Variants in MTO1 observed in about 807,000 individuals in gnomAD.
MTO1 encodes mitochondrial tRNA translation optimization 1.
MTO1 carries 46 observed loss-of-function variants against 71.6 expected under a neutral mutation model. The observed-to-expected ratio is 0.64, with a 90% confidence interval of 0.51 to 0.82. The LOEUF is 0.82. MTO1 is among the 40% of genes least tolerant of loss of function. The pLI, the probability that MTO1 is intolerant of heterozygous loss-of-function variation, is 0.00. For missense variants in MTO1, 773 were observed against 867.5 expected (o/e 0.89, Z 1.37); for synonymous variants, 297 against 312.1 (o/e 0.95, Z 0.51).
chr6:73,497,011 G>A (rs1490614327), intron 10 of MTO1, among the ~76,000 whole-genome samples: 6 of 151,294 alleles, frequency 4.0e-5, no homozygotes, highest in African/African-American at 7.3e-5. Context: ...CCGAGATCGC[G>A]CCACTGCATT....
chr6:73,474,803 T>G (rs910293259), intron 4 of MTO1, among the ~76,000 whole-genome samples: 3 of 151,902 alleles, frequency 2.0e-5, no homozygotes, highest in African/African-American at 7.3e-5. Context: ...TTGCCCAGGC[T>G]GGAGTGCAAT....
At chr6:73,492,734 G>C (rs1771847251) in intron 10 of MTO1, 1 of 156,824 alleles carries the variant, frequency 6.4e-6, no homozygotes. Context: ...GATTGCTTGA[G>C]GCTGGGAGGT....
At chr6:73,476,674 G>C (rs1771332365) in intron 4 of MTO1, among the ~76,000 whole-genome samples, 1 of 151,956 alleles carries the variant, frequency 6.6e-6, no homozygotes, top group African/African-American at 2.4e-5. Flanking sequence ...GTAAATTGCA[G>C]AGATGATGAG....
rs1274632222 is a variant in MTO1, at chr6:73,501,707, G to A, written c.*972G>A. ...CTAAGGGATGAATACAGCCAAATGGGCCAGACAGCCCTGCTTGTCTCTGGA... is the reference window on the plus strand; with the variant it reads ...CTAAGGGATGAATACAGCCAAATGGACCAGACAGCCCTGCTTGTCTCTGGA... On this transcript the variant is annotated 3_prime_UTR_variant, in exon 12 of 12. Coordinates refer to ENST00000498286, the MANE Select transcript of MTO1 (RefSeq NM_012123.4). 6.6e-6 allele frequency: 1 copy of A among 152,158 alleles called. No homozygotes were observed. Among genetic ancestry groups the A allele is most frequent in the African/African-American group, 2.4e-5 (1 of 41,414 alleles). 9.4% of individuals were successfully genotyped at this position (152,158 alleles called of 1,614,324 possible). A position where few individuals can be genotyped will look rare whatever the true frequency, so the allele number is the denominator to read the frequency against.
chr6:73,491,016 T>C (rs1455779237), intron 9 of MTO1, among the ~76,000 whole-genome samples: 1 of 152,190 alleles, frequency 6.6e-6, no homozygotes, highest in Non-Finnish European at 1.5e-5. Context: ...AATTAAGTTA[T>C]TGGAAATCTC....
chr6:73,463,191 T>A lies in MTO1; in HGVS notation c.217+1120T>A, dbSNP rs995077317. Among the ~76,000 whole-genome samples, 10 of 149,874 alleles carry A rather than the reference T, an allele frequency of 6.7e-5. 1 individual carries two copies. The highest frequency in any genetic ancestry group is 5.4e-4 in the Admixed American group (8 of 14,946). ...GGCACCCACCACCACGCCCGGCTAA[T>A]TTTTTTTTTCTTTGTATTTTTAGTA... On this transcript the variant is annotated intron_variant, in intron 1 of 11. Transcript: ENST00000498286.
At chr6:73,492,966 A>ATGTGTGTGTGTGTGTG (rs1161293835) in intron 10 of MTO1, among the ~76,000 whole-genome samples, 2 of 42,880 alleles carry the variant, frequency 4.7e-5, no homozygotes, top group African/African-American at 1.8e-4. Flanking sequence ...TATATATAAT[A>ATGTGTGTGTGTGTGTG]TATGTGTGTG....
chr6:73,484,205 A>T (rs1346082422), intron 9 of MTO1, among the ~76,000 whole-genome samples: 7 of 152,208 alleles, frequency 4.6e-5, no homozygotes. Flanking sequence ...GATCTCATTC[A>T]TAGAAATGAC....
At chr6:73,469,682 T>A (rs1771094911) in intron 3 of MTO1, among the ~76,000 whole-genome samples, 1 of 151,174 alleles carries the variant, frequency 6.6e-6, no homozygotes, top group South Asian at 2.1e-4. Flanking sequence ...ACACAGTTAA[T>A]TTTATTGCCT....
chr6:73,469,014 G>A (rs771859415), intron 3 of MTO1, among the ~76,000 whole-genome samples: 3 of 151,000 alleles, frequency 2.0e-5, no homozygotes, highest in Middle Eastern at 3.2e-3. Flanking sequence ...ACTTCTTTGC[G>A]TTTTTGGTTT....
intron 3 of MTO1, 147 bp downstream of exon 3, chr6:73,466,753 AAT>A (rs1324217827): frequency 7.6e-6 from 5 of 655,820 alleles, no homozygotes; most frequent in Non-Finnish European, 2.6e-6. Flanking sequence ...TATATAAATA[AAT>A]ATGTTTCTCT....
intron 7 of MTO1, 155 bp downstream of exon 7, chr6:73,480,960 G>C (rs1234234106): frequency 4.7e-6 from 2 of 424,322 alleles, no homozygotes; most frequent in Non-Finnish European, 8.2e-6. Flanking sequence ...GGCTTTTGTA[G>C]ATAATAGGGT....
chr6:73,462,171 C>G (rs1770842964), intron 1 of MTO1, 100 bp downstream of exon 1: 1 of 1,291,478 alleles, frequency 7.7e-7, no homozygotes, highest in Admixed American at 2.0e-5. Flanking sequence ...TTCCTCAAAG[C>G]TAGTGAGAAT....
chr6:73,482,267 A>C (rs1771524585), intron 8 of MTO1, 23 bp downstream of exon 8: 1 of 1,612,398 alleles, frequency 6.2e-7, no homozygotes, highest in Non-Finnish European at 8.5e-7. Context: ...TGAGTCCTGC[A>C]ATCCAGCCAG....
chr6:73,493,446 A>G (rs1771886075), intron 10 of MTO1, among the ~76,000 whole-genome samples: 1 of 149,588 alleles, frequency 6.7e-6, no homozygotes, highest in Non-Finnish European at 1.5e-5. Context: ...GCTGGAGTGC[A>G]ATGGTGCAAT....
At position 73,507,138 on chromosome 6, in the gene MTO1, A is replaced by C. The variant is rs1306615571; in HGVS notation, c.*6403A>C. On this transcript the variant is annotated 3_prime_UTR_variant, in exon 12 of 12. Coordinates refer to ENST00000498286, the MANE Select transcript of MTO1 (RefSeq NM_012123.4). ...AAAAACATCTTAGATGCAATGAAATACAGTGTGTGTGTTTGTATTGTGCTG... is the reference window on the plus strand; with the variant it reads ...AAAAACATCTTAGATGCAATGAAATCCAGTGTGTGTGTTTGTATTGTGCTG... 1.3e-5 allele frequency: 2 copies of C among 152,064 alleles called. No individual in the cohort carries two copies. Among genetic ancestry groups the C allele is most frequent in the Non-Finnish European group, 2.9e-5 (2 of 68,024 alleles). The allele number at this position is 152,064 out of a possible 1,614,324, so 9.4% of individuals were successfully genotyped here.
chr6:73,489,489 A>C (rs561815760), intron 9 of MTO1, among the ~76,000 whole-genome samples: 3 of 129,730 alleles, frequency 2.3e-5, no homozygotes, highest in East Asian at 2.4e-4. Flanking sequence ...CCTGTGTCCA[A>C]GTGTTCTCAT....
At chr6:73,498,851 A>G (rs565559599) in intron 11 of MTO1, among the ~76,000 whole-genome samples, 16 of 152,106 alleles carry the variant, frequency 1.1e-4, no homozygotes, top group Non-Finnish European at 2.1e-4. Context: ...CAGCCTCCCA[A>G]GTAGCTGGGA....
intron 11 of MTO1, among the ~76,000 whole-genome samples, chr6:73,498,572 G>C (rs147224874): frequency 0.01 from 1,549 of 151,986 alleles, 23 homozygotes; most frequent in African/African-American, 0.035. Context: ...CTAATTGTGA[G>C]AGGGTATATG....
Sources: gnomAD v4.1 joint callset for allele counts (sites outside exome capture counted in the v4.1 genomes callset) on GRCh38, gnomAD v4.1.1 for gene constraint, MANE v1.5 for transcripts, NCBI Gene and HGNC (gene_info 2026-07-23, HGNC 2026-07-21) for gene names.